RFX2: variants seen among roughly 807,000 people sequenced by gnomAD.
RFX2 encodes the protein regulatory factor X2, also known as DNA-binding protein RFX2.
A neutral mutation model predicts 87.8 loss-of-function variants in RFX2; 20 were observed. The ratio of observed to expected loss-of-function variants is 0.23; its 90% CI spans 0.16 to 0.33. The LOEUF (loss-of-function observed/expected upper bound fraction) is 0.33, where lower values mean the gene tolerates loss of function less well. RFX2 is among the 10% of genes least tolerant of loss of function. The pLI, the probability that RFX2 is intolerant of heterozygous loss-of-function variation, is 1.00. For synonymous variants in RFX2, 397 were observed against 431.3 expected (o/e 0.92, Z 0.98); for missense variants, 767 against 1,012.3 (o/e 0.76, Z 3.29).
chr19:6,050,696 A>G lies in RFX2; in HGVS notation c.-8-3192T>C, dbSNP rs2087255741. Among the ~76,000 whole-genome samples the G allele has an allele frequency of 6.6e-6, 1 of 152,162 alleles. No homozygotes were observed. The highest frequency in any genetic ancestry group is 1.5e-5 in the Non-Finnish European group (1 of 68,038). On this transcript the variant is annotated intron_variant, in intron 1 of 17. Transcript: ENST00000303657. The surrounding 1 kb of genome is among the most constrained non-coding windows in gnomAD (Gnocchi z 4.6). Reference sequence around the variant, plus strand: ...ATATGAAGAAACATGAATAGAACAAACTGTCTAATATATATGTAACGAGAG... The same window carrying G: ...ATATGAAGAAACATGAATAGAACAAGCTGTCTAATATATATGTAACGAGAG...
At chr19:6,103,601 A>T (rs1027592235) in intron 1 of RFX2, among the ~76,000 whole-genome samples, 4 of 152,132 alleles carry the variant, frequency 2.6e-5, no homozygotes, top group African/African-American at 7.2e-5. Flanking sequence ...CACTCCCCAA[A>T]ACTCATCATA....
chr19:6,070,108 A>G (rs2087578947), intron 1 of RFX2, among the ~76,000 whole-genome samples: 2 of 95,412 alleles, frequency 2.1e-5, no homozygotes, highest in Non-Finnish European at 2.1e-5. Context: ...ATGGGATGGG[A>G]TGGGATGGGA....
chr19:6,006,921 C>G, intron 12 of RFX2, 91 bp downstream of exon 12: 4 of 1,458,732 alleles, frequency 2.7e-6, no homozygotes, highest in Non-Finnish European at 3.8e-6. Context: ...AAGCGATGGT[C>G]TGAGGTGGCT....
At chr19:6,067,412 C>G (rs1472842106) in intron 1 of RFX2, among the ~76,000 whole-genome samples, 1 of 152,178 alleles carries the variant, frequency 6.6e-6, no homozygotes, top group African/African-American at 2.4e-5. Context: ...TTTGACATCA[C>G]TGCGCCGGCT....
Position 6,001,807 on chromosome 19 carries a change from G to A in RFX2, c.1859+8C>T, listed in dbSNP as rs1367217864. 1 of 1,596,554 alleles carries A rather than the reference G, an allele frequency of 6.3e-7. No individual in the cohort carries two copies. On this transcript the variant is annotated splice_region_variant and intron_variant, in intron 15 of 17. Transcript: ENST00000303657. The surrounding 1 kb of genome is among the most constrained non-coding windows in gnomAD (Gnocchi z 5.6). ...CCAGAATTCTCTCGGAGGTCTGGTGGGACTAACCTGTAAAAGGACCATTTC... is the reference window on the plus strand; with the variant it reads ...CCAGAATTCTCTCGGAGGTCTGGTGAGACTAACCTGTAAAAGGACCATTTC...
At position 6,050,785 on chromosome 19, in the gene RFX2, A is replaced by C. The variant is rs533920049; in HGVS notation, c.-8-3281T>G. 2.6e-5 allele frequency among the ~76,000 whole-genome samples: 4 copies of C among 152,230 alleles called. No individual in the cohort carries two copies. The highest frequency in any genetic ancestry group is 5.9e-5 in the Non-Finnish European group (4 of 68,046). ...TTGAAAAATGGCCAAACACCTCTAC[A>C]TTGGGTGATGGATATCAACTTAGAG... On this transcript the variant is annotated intron_variant, in intron 1 of 17. Transcript: ENST00000303657. The surrounding 1 kb of genome is among the most constrained non-coding windows in gnomAD (Gnocchi z 4.6).
chr19:6,032,444 G>A (rs1454345902), intron 5 of RFX2, among the ~76,000 whole-genome samples: 1 of 152,170 alleles, frequency 6.6e-6, no homozygotes, highest in Non-Finnish European at 1.5e-5. Flanking sequence ...AATGCAGATT[G>A]TTTTTAAAAG....
Position 6,007,307 on chromosome 19 carries a change from T to A in RFX2, c.1248-141A>T. On this transcript the variant is annotated intron_variant, in intron 11 of 17. Coordinates refer to ENST00000303657, the MANE Select transcript of RFX2 (RefSeq NM_000635.4). This position sits in a 1 kb window ranked among gnomAD's most constrained non-coding sequence, Gnocchi z 8.2. ...TTTGCTCCCCATCCCTGAGCCTCGA[T>A]GGGTCCCCTCCCTCCATGTTGCTCC... 1 of 799,982 alleles carries A rather than the reference T, an allele frequency of 1.3e-6. No individual in the cohort carries two copies. Among genetic ancestry groups the A allele is most frequent in the Non-Finnish European group, 2.0e-6 (1 of 509,968 alleles). 49.6% of individuals were successfully genotyped at this position (799,982 alleles called of 1,614,324 possible). A position where few individuals can be genotyped will look rare whatever the true frequency, so the allele number is the denominator to read the frequency against.
At chr19:6,095,005 G>A (rs187059630) in intron 1 of RFX2, among the ~76,000 whole-genome samples, 5 of 152,248 alleles carry the variant, frequency 3.3e-5, no homozygotes, top group East Asian at 1.9e-4. Context: ...CCAGTTACTC[G>A]GGAGGCTGAG....
chr19:6,055,655 C>A (rs972402143), intron 1 of RFX2, among the ~76,000 whole-genome samples: 1 of 152,154 alleles, frequency 6.6e-6, no homozygotes, highest in Non-Finnish European at 1.5e-5. Flanking sequence ...AACTCCTGGG[C>A]TCAAATGATC....
At chr19:6,090,692 C>G (rs549079790) in intron 1 of RFX2, among the ~76,000 whole-genome samples, 1 of 152,162 alleles carries the variant, frequency 6.6e-6, no homozygotes, top group African/African-American at 2.4e-5. Context: ...AGCTATATGT[C>G]CAGGCAAAAG....
chr19:6,015,617 T>C (rs1185366340), intron 7 of RFX2, among the ~76,000 whole-genome samples: 1 of 151,892 alleles, frequency 6.6e-6, no homozygotes, highest in East Asian at 2.0e-4. Context: ...GTCTCCCAAA[T>C]AGGTGAAATT....
chr19:6,062,037 CTG>C (rs1282559536), intron 1 of RFX2, among the ~76,000 whole-genome samples: 2 of 152,052 alleles, frequency 1.3e-5, no homozygotes, highest in Admixed American at 1.3e-4. Context: ...TGGCTGATGT[CTG>C]TAATTCCAGC....
In RFX2 at chr19:6,024,731, G is replaced by C. The variant is rs906129729; in HGVS notation, c.597+1432C>G. Among the ~76,000 whole-genome samples, 14 of 145,018 alleles carry C rather than the reference G, an allele frequency of 9.7e-5. No homozygotes were observed. Among genetic ancestry groups the C allele is most frequent in the African/African-American group, 2.1e-4 (8 of 38,244 alleles). On this transcript the variant is annotated intron_variant, in intron 6 of 17. Coordinates refer to ENST00000303657, the MANE Select transcript of RFX2 (RefSeq NM_000635.4). This position sits in a 1 kb window ranked among gnomAD's most constrained non-coding sequence, Gnocchi z 5.0. ...ATGGAATCACAGTGAGGACGGGAGT[G>C]AGGACGGGATCACGGTGAGGACGGG...
intron 6 of RFX2, among the ~76,000 whole-genome samples, chr19:6,025,181 T>A (rs535137512): frequency 9.9e-5 from 15 of 152,236 alleles, no homozygotes; most frequent in African/African-American, 3.6e-4. Context: ...GTGAAAGCGA[T>A]GAGTCTGAGG....
chr19:6,002,677 A>G lies in RFX2; in HGVS notation c.1650+44T>C, dbSNP rs765472231. On this transcript the variant is annotated intron_variant, in intron 14 of 17. Coordinates refer to ENST00000303657, the MANE Select transcript of RFX2 (RefSeq NM_000635.4). The surrounding 1 kb of genome is among the most constrained non-coding windows in gnomAD (Gnocchi z 6.7). ...TTGGTGGGTTTGCTGGTTTTGCTGG[A>G]GGGCGGGAAGCCCGGGCCCTGGGGA... 2.5e-6 allele frequency: 4 copies of G among 1,604,530 alleles called. No individual in the cohort carries two copies. Among genetic ancestry groups the G allele is most frequent in the Non-Finnish European group, 3.4e-6 (4 of 1,174,430 alleles).
At chr19:6,067,423 C>T (rs10408474) in intron 1 of RFX2, among the ~76,000 whole-genome samples, 1 of 152,190 alleles carries the variant, frequency 6.6e-6, no homozygotes, top group Admixed American at 6.5e-5. Context: ...TGCGCCGGCT[C>T]TTCCCTCCCT....
intron 5 of RFX2, among the ~76,000 whole-genome samples, chr19:6,033,457 G>A (rs1447793219): frequency 6.6e-6 from 1 of 152,140 alleles, no homozygotes; most frequent in East Asian, 1.9e-4. Context: ...GACTTGTCTG[G>A]TAAATCAATT....
intron 9 of RFX2, among the ~76,000 whole-genome samples, chr19:6,008,491 A>G (rs1214874158): frequency 6.9e-6 from 1 of 145,478 alleles, no homozygotes; most frequent in Non-Finnish European, 1.5e-5. Context: ...TTCTGCTTCA[A>G]CCGCCCGAGT....
Sources: gnomAD v4.1 joint callset for allele counts (sites outside exome capture counted in the v4.1 genomes callset) on GRCh38, gnomAD v4.1.1 for gene constraint, Gnocchi (gnomAD v3.1) non-coding constraint, MANE v1.5 for transcripts, NCBI Gene and HGNC (gene_info 2026-07-23, HGNC 2026-07-21) for gene names.